MTRFR: variants seen among roughly 807,000 people sequenced by gnomAD.
MTRFR encodes the protein probable peptide chain release factor C12orf65, mitochondrial.
Under a neutral mutation model 11.9 loss-of-function variants are expected in MTRFR, and 10 were observed. The ratio of observed to expected loss-of-function variants is 0.84; its 90% CI spans 0.52 to 1.42. The LOEUF (loss-of-function observed/expected upper bound fraction) is 1.42, where lower values mean the gene tolerates loss of function less well. Among genes scored for constraint, MTRFR ranks in the 40% most tolerant of loss-of-function variants. The pLI is 0.00. For synonymous variants in MTRFR, 77 were observed against 79.1 expected (o/e 0.97, Z 0.14); for missense variants, 196 against 197.9 (o/e 0.99, Z 0.06).
At position 123,254,051 on chromosome 12, in the gene MTRFR, T is replaced by C. The variant is rs910653840; in HGVS notation, c.282+95T>C. ...CAAGTGTGAATGGGATCAGCCGAAG[T>C]GCATTATTTTTCTGGCTTGGGCCAC... is the stretch of plus-strand genomic sequence containing the variant. On this transcript the variant is annotated intron_variant, in intron 2 of 2. Transcript: ENST00000253233. 4.0e-5 allele frequency: 59 copies of C among 1,482,330 alleles called. No individual in the cohort carries two copies. In the African/African-American group the frequency reaches 7.2e-4, roughly 18 times the overall value. The allele number at this position is 1,482,330 out of a possible 1,614,324, so 91.8% of individuals were successfully genotyped here.
chr12:123,236,828 C>G (rs1474203089), intron 1 of MTRFR, among the ~76,000 whole-genome samples: 1 of 152,062 alleles, frequency 6.6e-6, no homozygotes, highest in African/African-American at 2.4e-5. Flanking sequence ...GTGGCTCACA[C>G]CTCTCAGCAC....
chr12:123,256,680 G>C, intron 2 of MTRFR, 133 bp from the exon 3 acceptor site: 1 of 766,102 alleles, frequency 1.3e-6, no homozygotes, highest in Non-Finnish European at 2.2e-6. Flanking sequence ...TGGATGACAA[G>C]AACGAAACTC....
intron 1 of MTRFR, among the ~76,000 whole-genome samples, chr12:123,234,323 GC>G (rs2047795334): frequency 6.6e-6 from 1 of 151,746 alleles, no homozygotes; most frequent in Admixed American, 6.6e-5. Flanking sequence ...TAACAGATCT[GC>G]CAGGAGGCGT....
rs1218027574 is a variant in MTRFR, at chr12:123,257,100, C to T, written c.*69C>T. On this transcript the variant is annotated 3_prime_UTR_variant, in exon 3 of 3. Coordinates refer to ENST00000253233, the MANE Select transcript of MTRFR (RefSeq NM_152269.5). Reference sequence around the variant, plus strand: ...CCCAGGGAATAATGGTGGCGAGTTCCATCACCAGCATTATTATAGTGCTTC... The same window carrying T: ...CCCAGGGAATAATGGTGGCGAGTTCTATCACCAGCATTATTATAGTGCTTC... 7 of 1,161,134 alleles carry T rather than the reference C, an allele frequency of 6.0e-6. No individual in the cohort carries two copies. In the African/African-American group the frequency reaches 7.7e-5, roughly 13 times the overall value. The allele number at this position is 1,161,134 out of a possible 1,614,324, so 71.9% of individuals were successfully genotyped here.
At chr12:123,245,440 G>A (rs2048026029) in intron 1 of MTRFR, among the ~76,000 whole-genome samples, 2 of 152,044 alleles carry the variant, frequency 1.3e-5, no homozygotes, top group African/African-American at 4.8e-5. Flanking sequence ...GTATTTTGAT[G>A]GGGATTGTGT....
At chr12:123,254,201 T>C in intron 2 of MTRFR, 1 of 526,066 alleles carries the variant, frequency 1.9e-6, no homozygotes, top group Non-Finnish European at 3.4e-6. Context: ...GGAGCCAGGG[T>C]ATGGCTGCCA....
At chr12:123,238,557 G>A (rs746517247) in intron 1 of MTRFR, among the ~76,000 whole-genome samples, 2 of 152,126 alleles carry the variant, frequency 1.3e-5, no homozygotes, top group African/African-American at 4.8e-5. Flanking sequence ...GATTGCTTGA[G>A]CTCAGGAGTT....
At chr12:123,235,624 G>A (rs1445115217) in intron 1 of MTRFR, among the ~76,000 whole-genome samples, 2 of 150,482 alleles carry the variant, frequency 1.3e-5, no homozygotes, top group Non-Finnish European at 3.0e-5. Flanking sequence ...CACCTGCCTC[G>A]GCCTCCCACG....
At chr12:123,255,936 T>G (rs998452396) in intron 2 of MTRFR, among the ~76,000 whole-genome samples, 1 of 152,134 alleles carries the variant, frequency 6.6e-6, no homozygotes, top group African/African-American at 2.4e-5. Context: ...ATCCAATCTT[T>G]ACATTTTTGG....
upstream of MTRFR, chr12:123,233,111 C>T (rs1228769022): frequency 6.6e-6 from 1 of 150,878 alleles, no homozygotes; most frequent in Non-Finnish European, 1.5e-5. Context: ...CAGGGTCATG[C>T]AAGCGGCCTC....
At chr12:123,250,136 ATTTC>A (rs1156536767) in intron 1 of MTRFR, 1 of 152,098 alleles carries the variant, frequency 6.6e-6, no homozygotes, top group Non-Finnish European at 1.5e-5. Context: ...CGAGCTCTGA[ATTTC>A]TTTATTCTAC....
At chr12:123,239,013 G>A (rs1397549780) in intron 1 of MTRFR, among the ~76,000 whole-genome samples, 1 of 152,182 alleles carries the variant, frequency 6.6e-6, no homozygotes. Context: ...GCTCACACCT[G>A]TAATCCCAGC....
chr12:123,249,001 A>C (rs897837842), intron 1 of MTRFR: 2 of 151,708 alleles, frequency 1.3e-5, no homozygotes, highest in African/African-American at 4.8e-5. Flanking sequence ...ACAAACCTTC[A>C]GCTAGACACA....
At chr12:123,247,836 T>C (rs1002490737) in intron 1 of MTRFR, among the ~76,000 whole-genome samples, 4 of 151,980 alleles carry the variant, frequency 2.6e-5, no homozygotes, top group African/African-American at 9.7e-5. Flanking sequence ...TCCCAGCTAC[T>C]TGGGAGGCTG....
At chr12:123,233,152 C>G (rs1687034010), upstream of MTRFR, 1 of 152,106 alleles carries the variant, frequency 6.6e-6, no homozygotes, top group African/African-American at 2.4e-5. Flanking sequence ...AGCGCGCGCG[C>G]GCCCGGCGTC....
chr12:123,252,147 T>C (rs1485962804), intron 1 of MTRFR: 1 of 152,294 alleles, frequency 6.6e-6, no homozygotes, highest in African/African-American at 2.4e-5. Flanking sequence ...TATTAAAAGT[T>C]GACTGGCTGG....
At chr12:123,242,953 T>C (rs1410911006) in intron 1 of MTRFR, among the ~76,000 whole-genome samples, 2 of 152,204 alleles carry the variant, frequency 1.3e-5, no homozygotes, top group African/African-American at 4.8e-5. Flanking sequence ...GATACACAAA[T>C]GAATTTTGTT....
rs373360140 is a variant in MTRFR, at chr12:123,256,786, C to T, written c.283-27C>T. The T allele has an allele frequency of 2.7e-4, 424 of 1,574,264 alleles. 1 individual carries two copies. Among genetic ancestry groups the T allele is most frequent in the Non-Finnish European group, 3.6e-4 (411 of 1,144,296 alleles). On this transcript the variant is annotated intron_variant, in intron 2 of 2. Coordinates refer to ENST00000253233, the MANE Select transcript of MTRFR (RefSeq NM_152269.5). ...TCCATTTTTAACATCCTGTGGTTTT[C>T]ACATTATAAAATATTATCTCTTACA...
At chr12:123,241,157 T>G (rs1181640920) in intron 1 of MTRFR, among the ~76,000 whole-genome samples, 79 of 138,818 alleles carry the variant, frequency 5.7e-4, no homozygotes, top group South Asian at 1.7e-3. Flanking sequence ...TTTTTGTTTT[T>G]GTTTTTTTTT....
Sources: allele counts gnomAD v4.1 joint callset (sites outside exome capture counted in the v4.1 genomes callset), GRCh38; gene constraint gnomAD v4.1.1; transcripts MANE v1.5; gene names NCBI Gene and HGNC (gene_info 2026-07-23, HGNC 2026-07-21).